FANK1: variants seen among roughly 807,000 people sequenced by gnomAD.
The protein encoded by FANK1 is fibronectin type III and ankyrin repeat domains 1.
A neutral mutation model predicts 45.3 loss-of-function variants in FANK1; 44 were observed. The observed-to-expected ratio is 0.97, with a 90% CI of 0.76 to 1.25. The LOEUF is 1.25. Among genes scored for constraint, FANK1 ranks in the 50% most tolerant of loss-of-function variants. FANK1 has a pLI of 0.00. For synonymous variants in FANK1, 149 were observed against 152.5 expected (o/e 0.98, Z 0.17); for missense variants, 391 against 424.4 (o/e 0.92, Z 0.69).
intron 2 of FANK1, among the ~76,000 whole-genome samples, chr10:125,988,191 C>G (rs985291848): frequency 2.0e-5 from 3 of 152,188 alleles, no homozygotes; most frequent in African/African-American, 7.2e-5. Context: ...TAGATGGCCC[C>G]CACTTGAAAA....
At chr10:125,997,067 C>A (rs776447537) in intron 5 of FANK1, among the ~76,000 whole-genome samples, 5 of 151,922 alleles carry the variant, frequency 3.3e-5, no homozygotes, top group Non-Finnish European at 7.4e-5. Flanking sequence ...TAATTAAATG[C>A]CATTTGAAAA....
chr10:125,999,166 G>C (rs1317497597), intron 6 of FANK1, among the ~76,000 whole-genome samples: 2 of 150,158 alleles, frequency 1.3e-5, no homozygotes, highest in Non-Finnish European at 3.0e-5. Flanking sequence ...AACAAAAATT[G>C]GGTGTAACTT....
At chr10:125,945,069 C>T (rs11244713) in intron 1 of FANK1, among the ~76,000 whole-genome samples, 56,624 of 152,066 alleles carry the variant, frequency 0.37, 10,951 homozygotes, top group Non-Finnish European at 0.44. Flanking sequence ...TGCAAGACAA[C>T]GGTAAAGTGC....
At position 126,009,089 on chromosome 10, in the gene FANK1, G is replaced by C; in HGVS notation, c.885G>C (p.Gln295His). 6.2e-7 allele frequency: 1 copy of C among 1,614,216 alleles called. No individual in the cohort carries two copies. Among genetic ancestry groups the C allele is most frequent in the Non-Finnish European group, 8.5e-7 (1 of 1,180,044 alleles). Residue 295 changes from glutamine (Q) to histidine (H), a missense_variant, in exon 9 of 11, where the codon CAG becomes CAC. Physicochemically the swap from Gln to His is conservative, Grantham distance 24. Transcript: ENST00000368693. ...TAAATAATCATGAAGAGTTAGTTCA[G>C]TTACTTCTTGACAAAGGGGCAGATG... ...AVLNNHEELV[Q>H]LLLDKGADAS...
intron 1 of FANK1, among the ~76,000 whole-genome samples, chr10:125,897,582 C>T (rs1944657422): frequency 6.6e-6 from 1 of 152,294 alleles, no homozygotes; most frequent in African/African-American, 2.4e-5. Flanking sequence ...AAAATGTTGG[C>T]ATTTTTAAAG....
At chr10:125,992,529 G>A (rs1459384049) in intron 3 of FANK1, among the ~76,000 whole-genome samples, 3 of 152,164 alleles carry the variant, frequency 2.0e-5, no homozygotes, top group Non-Finnish European at 4.4e-5. Context: ...CTCAGAGTAA[G>A]CTGTGAAGTG....
At chr10:126,004,659 C>T (rs1211788905) in intron 6 of FANK1, 3 of 488,044 alleles carry the variant, frequency 6.1e-6, no homozygotes, top group African/African-American at 3.9e-5. Flanking sequence ...CACAGTGTTT[C>T]GAGGTTCATG....
chr10:125,963,818 A>G (rs1207973164), intron 1 of FANK1, among the ~76,000 whole-genome samples: 4 of 152,188 alleles, frequency 2.6e-5, no homozygotes, highest in Non-Finnish European at 5.9e-5. Flanking sequence ...GGTGCAGCAC[A>G]CCAACATGGC....
chr10:125,928,265 T>TC (rs1328460999), intron 1 of FANK1, among the ~76,000 whole-genome samples: 2 of 146,184 alleles, frequency 1.4e-5, no homozygotes, highest in Admixed American at 1.4e-4. Flanking sequence ...TCGTGCCTTT[T>TC]TTTTTTTTTT....
rs555117320 is a variant in FANK1 at position 125,914,424 on chromosome 10, G to T, written c.13+17769G>T. On this transcript the variant is annotated intron_variant, in intron 1 of 10. Coordinates refer to ENST00000368693, the MANE Select transcript of FANK1 (RefSeq NM_145235.5). ...CAGCATGTTTGCAGGGAGGACACATGACAGTCAGGTATTGGTTGAATAGGT... is the reference window on the plus strand; with the variant it reads ...CAGCATGTTTGCAGGGAGGACACATTACAGTCAGGTATTGGTTGAATAGGT... Among the ~76,000 whole-genome samples the T allele has an allele frequency of 2.0e-5, 3 of 152,196 alleles. No homozygotes were observed. The South Asian group carries it at 6.2e-4, about 32-fold the overall frequency.
At position 125,983,106 on chromosome 10, in the gene FANK1, C is replaced by A. The variant is rs1403836227; in HGVS notation, c.191+2768C>A. 6.6e-6 allele frequency among the ~76,000 whole-genome samples: 1 copy of A among 152,176 alleles called. No individual in the cohort carries two copies. The highest frequency in any genetic ancestry group is 1.5e-5 in the Non-Finnish European group (1 of 68,046). ...GTTGCCTCTTATTTCTCAGCACAAA[C>A]CCTCCAGTCAGATTTCTTACTGTCC... On this transcript the variant is annotated intron_variant, in intron 2 of 10. Transcript: ENST00000368693. This position sits in a 1 kb window ranked among gnomAD's most constrained non-coding sequence, Gnocchi z 4.3.
chr10:125,903,651 G>A (rs371870390), intron 1 of FANK1, among the ~76,000 whole-genome samples: 1 of 151,450 alleles, frequency 6.6e-6, no homozygotes, highest in Non-Finnish European at 1.5e-5. Flanking sequence ...GCAACATGTC[G>A]AGACCCCATC....
At chr10:125,980,140 C>G (rs779178619) in intron 1 of FANK1, 21 bp from the exon 2 acceptor site, 1 of 1,603,830 alleles carries the variant, frequency 6.2e-7, no homozygotes, top group Non-Finnish European at 8.5e-7. Context: ...TCCTGAAGTT[C>G]GGTGTCATTC....
intron 1 of FANK1, among the ~76,000 whole-genome samples, chr10:125,938,501 G>C (rs1189350702): frequency 1.3e-5 from 2 of 152,200 alleles, no homozygotes; most frequent in African/African-American, 4.8e-5. Context: ...CGAAAGCAAA[G>C]AGGTGCTTTA....
At chr10:125,960,226 C>T in intron 1 of FANK1, 1 of 289,064 alleles carries the variant, frequency 3.5e-6, no homozygotes, top group South Asian at 3.7e-5. Flanking sequence ...ATCTGGACTC[C>T]AGGAGGGGGG....
chr10:125,924,265 T>TG (rs1947163026), intron 1 of FANK1, among the ~76,000 whole-genome samples: 1 of 150,598 alleles, frequency 6.6e-6, no homozygotes, highest in African/African-American at 2.4e-5. Context: ...TTTTTTTTTT[T>TG]TTTGAGATGT....
chr10:125,910,581 T>C (rs1401508944), intron 1 of FANK1, among the ~76,000 whole-genome samples: 1 of 152,200 alleles, frequency 6.6e-6, no homozygotes, highest in African/African-American at 2.4e-5. Flanking sequence ...CACCTGACAT[T>C]ATATTTTGGT....
intron 1 of FANK1, among the ~76,000 whole-genome samples, chr10:125,914,682 TCCC>T (rs1564865588): frequency 6.6e-6 from 1 of 152,072 alleles, no homozygotes; most frequent in South Asian, 2.1e-4. Flanking sequence ...ATCTTCCTCA[TCCC>T]CCCAACTCCA....
At chr10:125,981,496 CAAAAAAAA>C (rs60627576) in intron 2 of FANK1, among the ~76,000 whole-genome samples, 15 of 117,342 alleles carry the variant, frequency 1.3e-4, no homozygotes, top group Non-Finnish European at 1.7e-5. Flanking sequence ...GACCCTGTCT[CAAAAAAAA>C]AAAAAAAAAA....
Sources: gnomAD v4.1 joint callset for allele counts (sites outside exome capture counted in the v4.1 genomes callset) on GRCh38, gnomAD v4.1.1 for gene constraint, Gnocchi (gnomAD v3.1) non-coding constraint, MANE v1.5 for transcripts, NCBI Gene and HGNC (gene_info 2026-07-23, HGNC 2026-07-21) for gene names.